Variants in FBXW7 observed in about 807,000 individuals in gnomAD.
The protein encoded by FBXW7 is F-box/WD repeat-containing protein 7.
Under a neutral mutation model 86.3 loss-of-function variants are expected in FBXW7, and 11 were observed. The ratio of observed to expected loss-of-function variants is 0.13; its 90% CI spans 0.08 to 0.21. FBXW7 has a LOEUF of 0.21. Ranked by LOEUF, FBXW7 falls within the 10% of genes least tolerant of loss-of-function variation. The pLI, the probability that FBXW7 is intolerant of heterozygous loss-of-function variation, is 1.00. For missense variants in FBXW7, 488 were observed against 847.4 expected, an observed-to-expected ratio of 0.58 and a Z score of 5.27; for synonymous variants, 313 against 297.9, an observed-to-expected ratio of 1.05 and a Z score of -0.52.
chr4:152,459,534 C>T (rs979986645), intron 2 of FBXW7, among the ~76,000 whole-genome samples: 27 of 152,242 alleles, frequency 1.8e-4, no homozygotes, highest in African/African-American at 6.5e-4. Flanking sequence ...TGGAGAGTCA[C>T]ATCACAGGCA....
chr4:152,529,508 G>A (rs549980545), intron 2 of FBXW7, among the ~76,000 whole-genome samples: 1 of 152,090 alleles, frequency 6.6e-6, no homozygotes, highest in Non-Finnish European at 1.5e-5. Flanking sequence ...ATAAACAAGG[G>A]AATCCTAAAA....
At chr4:152,421,927 G>A (rs896690725) in intron 2 of FBXW7, among the ~76,000 whole-genome samples, 2 of 152,002 alleles carry the variant, frequency 1.3e-5, no homozygotes, top group African/African-American at 4.8e-5. Flanking sequence ...AAAAGAGATC[G>A]CTGATCATAG....
chr4:152,507,316 C>T (rs1276493605), intron 2 of FBXW7, among the ~76,000 whole-genome samples: 1 of 152,076 alleles, frequency 6.6e-6, no homozygotes, highest in Non-Finnish European at 1.5e-5. Flanking sequence ...TGTAAACATT[C>T]CTATATCATA....
chr4:152,480,888 G>A (rs1204261403), intron 2 of FBXW7, among the ~76,000 whole-genome samples: 2 of 152,158 alleles, frequency 1.3e-5, no homozygotes, highest in African/African-American at 4.8e-5. Flanking sequence ...GAAAGAAGCT[G>A]TCTCCATAAA....
intron 2 of FBXW7, among the ~76,000 whole-genome samples, chr4:152,529,030 T>C (rs143677279): frequency 3.1e-4 from 47 of 152,260 alleles, no homozygotes; most frequent in African/African-American, 1.1e-3. Flanking sequence ...GAATTCATTA[T>C]TTAACAGCAA....
chr4:152,496,552 C>T (rs1285855665), intron 2 of FBXW7, among the ~76,000 whole-genome samples: 2 of 152,020 alleles, frequency 1.3e-5, no homozygotes, highest in Non-Finnish European at 2.9e-5. Flanking sequence ...GTGGCAGGCG[C>T]CTGTAATCCC....
At position 152,322,596 on chromosome 4, in the gene FBXW7, C is replaced by A; in HGVS notation, c.*285G>T. On this transcript the variant is annotated 3_prime_UTR_variant, in exon 14 of 14. Coordinates refer to ENST00000281708, the MANE Select transcript of FBXW7 (RefSeq NM_001349798.2). The stretch of plus-strand genomic sequence containing the variant: ...GAAGAAAATAAAGAAATAATTGCAC[C>A]TGGTTTGATTTAGAAAGTCTCATTT... The A allele has an allele frequency of 2.5e-6, 1 of 400,604 alleles. No individual in the cohort carries two copies. Among genetic ancestry groups the A allele is most frequent in the Non-Finnish European group, 4.4e-6 (1 of 224,766 alleles). 24.8% of individuals were successfully genotyped at this position (400,604 alleles called of 1,614,324 possible). A position where few individuals can be genotyped will look rare whatever the true frequency, so the allele number is the denominator to read the frequency against.
At chr4:152,465,701 GGGCATGAT>G (rs1411333761) in intron 2 of FBXW7, among the ~76,000 whole-genome samples, 2 of 151,720 alleles carry the variant, frequency 1.3e-5, no homozygotes, top group Admixed American at 6.6e-5. Context: ...AAAATTAGCC[GGGCATGAT>G]GGCATGCGCC....
At chr4:152,363,053 G>A (rs1733139407) in intron 4 of FBXW7, among the ~76,000 whole-genome samples, 1 of 152,000 alleles carries the variant, frequency 6.6e-6, no homozygotes, top group Admixed American at 6.6e-5. Flanking sequence ...TTATTTCAAA[G>A]ACTTTAACTT....
At chr4:152,364,627 T>C (rs752169125) in intron 4 of FBXW7, among the ~76,000 whole-genome samples, 1 of 152,184 alleles carries the variant, frequency 6.6e-6, no homozygotes, top group Non-Finnish European at 1.5e-5. Flanking sequence ...GGATTTTCCA[T>C]CTGAATACAT....
At chr4:152,392,540 C>G (rs890782559) in intron 4 of FBXW7, among the ~76,000 whole-genome samples, 5 of 152,166 alleles carry the variant, frequency 3.3e-5, no homozygotes, top group African/African-American at 9.7e-5. Context: ...CAGCCATGAT[C>G]TGACTGCCAC....
At chr4:152,401,216 A>G (rs1736897828) in intron 4 of FBXW7, among the ~76,000 whole-genome samples, 1 of 152,230 alleles carries the variant, frequency 6.6e-6, no homozygotes, top group Admixed American at 6.5e-5. Flanking sequence ...TTAAAAACTT[A>G]GTCCATGCAA....
intron 4 of FBXW7, among the ~76,000 whole-genome samples, chr4:152,354,289 T>C (rs1419288754): frequency 2.6e-5 from 4 of 152,074 alleles, no homozygotes; most frequent in Non-Finnish European, 5.9e-5. Flanking sequence ...TATGTATATG[T>C]ACTCAGCAGA....
chr4:152,365,422 G>A (rs1336028407), intron 4 of FBXW7, among the ~76,000 whole-genome samples: 1 of 152,172 alleles, frequency 6.6e-6, no homozygotes, highest in African/African-American at 2.4e-5. Context: ...TGGAGAGACT[G>A]TGTGAGGAAG....
At chr4:152,458,562 G>A (rs1030366131) in intron 2 of FBXW7, among the ~76,000 whole-genome samples, 1 of 152,176 alleles carries the variant, frequency 6.6e-6, no homozygotes, top group Non-Finnish European at 1.5e-5. Flanking sequence ...ACATGTCTTA[G>A]CAGCCAATAT....
chr4:152,359,193 CAATT>C (rs906194912), intron 4 of FBXW7, among the ~76,000 whole-genome samples: 1 of 152,052 alleles, frequency 6.6e-6, no homozygotes, highest in Non-Finnish European at 1.5e-5. Flanking sequence ...AAAAAACAAT[CAATT>C]GAGAAATAAG....
At chr4:152,528,774 T>A (rs1442153152) in intron 2 of FBXW7, among the ~76,000 whole-genome samples, 1 of 152,152 alleles carries the variant, frequency 6.6e-6, no homozygotes, top group Non-Finnish European at 1.5e-5. Context: ...GGAGGTATCA[T>A]CAGAAAGCAG....
chr4:152,480,467 T>C (rs1253103815), intron 2 of FBXW7, among the ~76,000 whole-genome samples: 1 of 152,144 alleles, frequency 6.6e-6, no homozygotes, highest in African/African-American at 2.4e-5. Flanking sequence ...AACCCCACAA[T>C]GGCCTCTAAG....
chr4:152,411,258 G>T (rs2126875555), intron 4 of FBXW7, 45 bp downstream of exon 4: 2 of 1,498,562 alleles, frequency 1.3e-6, no homozygotes, highest in South Asian at 1.4e-5. Context: ...AATTAAAATA[G>T]ATATGTAAAG....
Sources: allele counts gnomAD v4.1 joint callset (sites outside exome capture counted in the v4.1 genomes callset), GRCh38; gene constraint gnomAD v4.1.1; transcripts MANE v1.5; gene names NCBI Gene and HGNC (gene_info 2026-07-23, HGNC 2026-07-21).